CARNS1: variants seen among roughly 807,000 people sequenced by gnomAD.
The protein encoded by CARNS1 is ATP-grasp domain containing 1.
Under a neutral mutation model 74.0 loss-of-function variants are expected in CARNS1, and 61 were observed. The ratio of observed to expected loss-of-function variants is 0.82; its 90% CI spans 0.67 to 1.02. The LOEUF (loss-of-function observed/expected upper bound fraction) is 1.02, where lower values mean the gene tolerates loss of function less well. CARNS1 is among the 50% of genes least tolerant of loss of function. CARNS1 has a pLI of 0.00. For missense variants in CARNS1, 1,278 were observed against 1,308.4 expected (o/e 0.98, Z 0.36); for synonymous variants, 568 against 605.5 (o/e 0.94, Z 0.91).
Position 67,424,364 on chromosome 11 carries a change from C to T in CARNS1, c.2616C>T (p.Ala872=). The part of the protein sequence containing the change: ...VMCLVSQHLQ[A]LSSTASRETL... Reference sequence around the variant, plus strand: ...GCCTTGTGTCCCAGCACCTGCAGGCCCTGAGTTCCACCGCCAGCCGTGAGA... The same window carrying T: ...GCCTTGTGTCCCAGCACCTGCAGGCTCTGAGTTCCACCGCCAGCCGTGAGA... Residue 872 remains alanine, a synonymous_variant, in exon 10 of 10, where the codon GCC becomes GCT. Transcript: ENST00000687366. 6.2e-7 allele frequency: 1 copy of T among 1,601,740 alleles called. No homozygotes were observed. Among genetic ancestry groups the T allele is most frequent in the Non-Finnish European group, 8.5e-7 (1 of 1,174,582 alleles).
chr11:67,420,493 C>T (rs1863666262), intron 7 of CARNS1, 116 bp from the exon 8 acceptor site: 5 of 551,176 alleles, frequency 9.1e-6, no homozygotes, highest in Non-Finnish European at 1.4e-5. Context: ...CGTTGGAGGA[C>T]GGGGCTTCTT....
At position 67,424,279 on chromosome 11, in the gene CARNS1, G is replaced by C; in HGVS notation, c.2531G>C (p.Gly844Ala). 6.2e-7 allele frequency: 1 copy of C among 1,613,048 alleles called. No homozygotes were observed. The change falls in exon 10 of 10, where the codon GGC becomes GCC. Residue 844 changes from glycine (G) to alanine (A), a missense_variant. By Grantham distance (60) the Gly-to-Ala change is moderately conservative. This residue lies in a region of CARNS1 where 1,164 missense variants were observed against 1,156.5 expected (regional missense o/e 1.01). Transcript: ENST00000687366. ...LLLAAVMVAC[G>A]LRPALPTRPR... ...CTGGCTGCTGTTATGGTGGCCTGTG[G>C]CTTGCGTCCTGCCCTGCCCACCCGC...
Position 67,423,504 on chromosome 11 carries a change from C to A in CARNS1, c.1756C>A (p.Arg586Ser), listed in dbSNP as rs751106258. ...GCTGCTGGCAGAGTTGGTGCGGGCTCGCGGCCTCAAGCTAGATGGCTGCTT... is the reference window on the plus strand; with the variant it reads ...GCTGCTGGCAGAGTTGGTGCGGGCTAGCGGCCTCAAGCTAGATGGCTGCTT... The part of the protein sequence containing the change: ...ARLLAELVRA[R>S]GLKLDGCFSY... The change falls in exon 10 of 10, where the codon CGC becomes AGC. Residue 586 changes from arginine (R) to serine (S), a missense_variant. Transcript: ENST00000687366. The surrounding 1 kb of genome is among the most constrained non-coding windows in gnomAD (Gnocchi z 5.1). The A allele has an allele frequency of 1.2e-6, 2 of 1,613,964 alleles. No homozygotes were observed. The highest frequency in any genetic ancestry group is 4.5e-5 in the East Asian group (2 of 44,892).
chr11:67,418,350 G>A (rs1318627461), intron 3 of CARNS1, 81 bp from the exon 4 acceptor site: 6 of 1,027,202 alleles, frequency 5.8e-6, no homozygotes, highest in Non-Finnish European at 8.0e-6. Flanking sequence ...GGGTGGGGCC[G>A]TGGGTGTGGA....
chr11:67,418,274 G>A lies in CARNS1; in HGVS notation c.275-157G>A, dbSNP rs1262128384. On this transcript the variant is annotated intron_variant, in intron 3 of 9. Coordinates refer to ENST00000687366, the MANE Select transcript of CARNS1 (RefSeq NM_001166222.2). ...AAACCAGCTTCACGGGGCAGGACTG[G>A]CGGGCACCTCCATTCCCTGCCTGTC... Among the ~76,000 whole-genome samples the A allele has an allele frequency of 3.9e-5, 6 of 152,082 alleles. 1 individual carries two copies. The South Asian group carries it at 1.2e-3, about 32-fold the overall frequency.
chr11:67,420,229 T>C (rs1448216533), intron 7 of CARNS1, among the ~76,000 whole-genome samples: 1 of 152,038 alleles, frequency 6.6e-6, no homozygotes, highest in Admixed American at 6.5e-5. Context: ...CCCTCCTGAG[T>C]ACCCCGCTCT....
chr11:67,416,735 C>T lies in CARNS1; in HGVS notation c.3+533C>T, dbSNP rs887318. Reference sequence around the variant, plus strand: ...AGAATTCCATTCACACGAAGCCTCCCAGCAGCCCCATATTGGGGGGGCGCC... The same window carrying T: ...AGAATTCCATTCACACGAAGCCTCCTAGCAGCCCCATATTGGGGGGGCGCC... On this transcript the variant is annotated intron_variant, in intron 2 of 9. Transcript: ENST00000687366. The T allele has an allele frequency of 0.034, 33,574 of 986,218 alleles. 5,969 individuals are homozygous for T. In the African/African-American group the frequency reaches 0.43, roughly 13 times the overall value. The allele number at this position is 986,218 out of a possible 1,614,324, so 61.1% of individuals were successfully genotyped here. A position where few individuals can be genotyped will look rare whatever the true frequency, so the allele number is the denominator to read the frequency against.
In CARNS1 at chr11:67,424,622, G is replaced by A. The variant is rs1565139874; in HGVS notation, c.*21G>A. The A allele has an allele frequency of 2.5e-6, 4 of 1,587,784 alleles. No individual in the cohort carries two copies. The highest frequency in any genetic ancestry group is 1.3e-5 in the African/African-American group (1 of 74,578). On this transcript the variant is annotated 3_prime_UTR_variant, in exon 10 of 10. Transcript: ENST00000687366. ...AATAGCACTGGGGTCAGGGGGCAGG[G>A]AAGCAGTGCTGGGTGGAGGCACTGT...
chr11:67,418,361 G>A (rs1200587236), intron 3 of CARNS1, 70 bp from the exon 4 acceptor site: 7 of 1,138,908 alleles, frequency 6.1e-6, no homozygotes, highest in Middle Eastern at 2.4e-4. Context: ...TGGGTGTGGA[G>A]GTGGTGGAAG....
chr11:67,421,834 C>T (rs1449942858), intron 9 of CARNS1, among the ~76,000 whole-genome samples: 3 of 152,100 alleles, frequency 2.0e-5, no homozygotes, highest in African/African-American at 7.2e-5. Context: ...CTGAAGCGAT[C>T]CTCCCACCTC....
rs1173508914 is a variant in CARNS1 at position 67,416,174 on chromosome 11, A to G, written c.-24-2A>G. On this transcript the variant is annotated splice_acceptor_variant, in intron 1 of 9. Coordinates refer to ENST00000687366, the MANE Select transcript of CARNS1 (RefSeq NM_001166222.2). LOFTEE classifies it low-confidence loss of function (5UTR_SPLICE). Reference sequence around the variant, plus strand: ...TCTCTGTCCCTCTGTCTCTGCCATCAGTCTCTCAGCCACTCCACCCACGAG... The same window carrying G: ...TCTCTGTCCCTCTGTCTCTGCCATCGGTCTCTCAGCCACTCCACCCACGAG... The G allele has an allele frequency of 2.8e-5, 41 of 1,482,716 alleles. No individual in the cohort carries two copies. Among genetic ancestry groups the G allele is most frequent in the Non-Finnish European group, 3.6e-5 (40 of 1,097,510 alleles). 91.8% of individuals were successfully genotyped at this position (1,482,716 alleles called of 1,614,324 possible). A position where few individuals can be genotyped will look rare whatever the true frequency, so the allele number is the denominator to read the frequency against.
At chr11:67,416,510 T>C in intron 2 of CARNS1, 1 of 1,240,596 alleles carries the variant, frequency 8.1e-7, no homozygotes, top group Non-Finnish European at 1.0e-6. Flanking sequence ...CTCTGCCGTC[T>C]GGGCCACAGC....
chr11:67,417,407 C>G lies in CARNS1; in HGVS notation c.4C>G (p.Leu2Val). Residue 2 changes from leucine (L) to valine (V), a missense_variant and splice_region_variant, in exon 3 of 10, where the codon CTC (leucine) becomes GTC (valine). This residue lies in a region of CARNS1 where 104 missense variants were observed against 127.3 expected (regional missense o/e 0.82). Transcript: ENST00000687366. ...AGACCTACCACTTCTGCCCTCTCAG[C>G]TCTCCCTGGATCCATCGGGTCCCGA... M[L>V]SLDPSGPEWD... The G allele has an allele frequency of 7.4e-7, 1 of 1,351,574 alleles. No homozygotes were observed. The highest frequency in any genetic ancestry group is 3.0e-5 in the East Asian group (1 of 33,084). 83.7% of individuals were successfully genotyped at this position (1,351,574 alleles called of 1,614,324 possible). A position where few individuals can be genotyped will look rare whatever the true frequency, so the allele number is the denominator to read the frequency against.
intron 2 of CARNS1, 114 bp from the exon 3 acceptor site, chr11:67,417,293 G>A (rs946260967): frequency 6.4e-6 from 8 of 1,242,266 alleles, no homozygotes; most frequent in African/African-American, 4.6e-5. Context: ...TCCCCGGGAC[G>A]GTGTCAGCCC....
intron 4 of CARNS1, 69 bp from the exon 5 acceptor site, chr11:67,418,687 G>A (rs1024567408): frequency 8.1e-6 from 12 of 1,479,950 alleles, no homozygotes; most frequent in South Asian, 5.4e-5. Context: ...CTTCCACTCC[G>A]CTACCCGGGG....
chr11:67,418,125 T>G (rs12288107), intron 3 of CARNS1, among the ~76,000 whole-genome samples: 43,298 of 152,052 alleles, frequency 0.28, 12,030 homozygotes, highest in African/African-American at 0.71. Flanking sequence ...TGTACAAACT[T>G]GGAAACTGAG....
At position 67,424,080 on chromosome 11, in the gene CARNS1, C is replaced by G. The variant is rs774066801; in HGVS notation, c.2332C>G (p.Gln778Glu). Residue 778 changes from glutamine (Q) to glutamate (E), a missense_variant, in exon 10 of 10, where the codon CAG becomes GAG. Gln to Glu is a conservative substitution (Grantham distance 29). This residue lies in a region of CARNS1 where 1,164 missense variants were observed against 1,156.5 expected (regional missense o/e 1.01). Transcript: ENST00000687366. ...CGGGCTGGCACCAGAGCAGGAGGCA[C>G]AGATGGTTCAGGCAGCCTTCCGCTG... ...PTGLAPEQEA[Q>E]MVQAAFRCCL... 5 of 1,613,392 alleles carry G rather than the reference C, an allele frequency of 3.1e-6. No individual in the cohort carries two copies. Among genetic ancestry groups the G allele is most frequent in the Non-Finnish European group, 3.4e-6 (4 of 1,179,790 alleles).
Position 67,420,825 on chromosome 11 carries a change from C to T in CARNS1, c.1330C>T (p.His444Tyr). 1 of 1,224,866 alleles carries T rather than the reference C, an allele frequency of 8.2e-7. No homozygotes were observed. 75.9% of individuals were successfully genotyped at this position (1,224,866 alleles called of 1,614,324 possible). A position where few individuals can be genotyped will look rare whatever the true frequency, so the allele number is the denominator to read the frequency against. ...CGAGCAGCGCGGCGGGCGCCGGGCG[C>T]ACACGGACTTCCTGGGTGAGTGAGG... ...SAEQRGGRRA[H>Y]TDFLGVDFAL... is the part of the protein sequence containing the mutation. The change falls in exon 8 of 10, where the codon CAC becomes TAC. Residue 444 changes from histidine (H) to tyrosine (Y), a missense_variant. Physicochemically the swap from His to Tyr is moderately conservative, Grantham distance 83. Around this residue, in one of 3 missense-constraint regions of CARNS1, gnomAD observed 1,164 missense variants for 1,156.5 expected, o/e 1.01. Transcript: ENST00000687366.
Position 67,424,331 on chromosome 11 carries a change from C to T in CARNS1, c.2583C>T (p.Gly861=), listed in dbSNP as rs370096691. The stretch of plus-strand genomic sequence containing the variant: ...CACGTGCTCGTGGCCATCTGGTGGG[C>T]GTCATGTGCCTTGTGTCCCAGCACC... The part of the protein sequence containing the change: ...TRPRARGHLV[G]VMCLVSQHLQ... The change falls in exon 10 of 10, where the codon GGC becomes GGT. Residue 861 remains glycine, a synonymous_variant. Transcript: ENST00000687366. 4.8e-5 allele frequency: 78 copies of T among 1,609,564 alleles called. No individual in the cohort carries two copies. Among genetic ancestry groups the T allele is most frequent in the African/African-American group, 6.7e-5 (5 of 74,872 alleles).
Sources: allele counts gnomAD v4.1 joint callset (sites outside exome capture counted in the v4.1 genomes callset), GRCh38; gene constraint gnomAD v4.1.1; regional missense constraint gnomAD v4.1.1; non-coding constraint Gnocchi (gnomAD v3.1); transcripts MANE v1.5; gene names NCBI Gene and HGNC (gene_info 2026-07-23, HGNC 2026-07-21).